TENM3: variants seen among roughly 807,000 people sequenced by gnomAD.
The protein encoded by TENM3 is teneurin-3.
TENM3 carries 63 observed loss-of-function variants against 255.1 expected under a neutral mutation model. That is an observed-to-expected ratio of 0.25 (90% CI 0.20 to 0.30). The LOEUF (loss-of-function observed/expected upper bound fraction) is 0.30, where lower values mean the gene tolerates loss of function less well. Ranked by LOEUF, TENM3 falls within the 10% of genes least tolerant of loss-of-function variation. TENM3 has a pLI of 1.00. For missense variants in TENM3, 2,929 were observed against 3,461.1 expected, an observed-to-expected ratio of 0.85 and a Z score of 3.86; for synonymous variants, 1,306 against 1,322.3, an observed-to-expected ratio of 0.99 and a Z score of 0.27.
At chr4:182,267,060 T>C (rs964359386) in intron 1 of TENM3, among the ~76,000 whole-genome samples, 1 of 152,154 alleles carries the variant, frequency 6.6e-6, no homozygotes, top group African/African-American at 2.4e-5. Flanking sequence ...TTCAAAACTC[T>C]CATAGAAAAC....
intron 5 of TENM3, among the ~76,000 whole-genome samples, chr4:182,638,403 C>T (rs919016365): frequency 2.4e-4 from 37 of 152,152 alleles, no homozygotes; most frequent in African/African-American, 8.9e-4. Context: ...CGTCATGTTG[C>T]CCTGTGTTTG....
chr4:182,652,315 A>G (rs1753379871), intron 5 of TENM3, among the ~76,000 whole-genome samples: 1 of 152,162 alleles, frequency 6.6e-6, no homozygotes, highest in South Asian at 2.1e-4. Context: ...AGGGAGAAGC[A>G]TTGCAGACAG....
chr4:182,739,516 T>A lies in TENM3; in HGVS notation c.3379+972T>A, dbSNP rs542213411. Among the ~76,000 whole-genome samples, 5 of 152,316 alleles carry A rather than the reference T, an allele frequency of 3.3e-5. No homozygotes were observed. In the East Asian group the frequency reaches 7.7e-4, roughly 24 times the overall value. ...GAAAAAAGTCACAGTCTCAGCAAAA[T>A]AATCTAACTCTTGACTTTGCAGAGG... On this transcript the variant is annotated intron_variant, in intron 18 of 27. Coordinates refer to ENST00000511685, the MANE Select transcript of TENM3 (RefSeq NM_001080477.4).
the TENM3 span, among the ~76,000 whole-genome samples, chr4:181,538,249 T>G: frequency 6.6e-6 from 1 of 152,148 alleles, no homozygotes; most frequent in Non-Finnish European, 1.5e-5. Flanking sequence ...GCTCTCACAA[T>G]ACGATCGGTA....
chr4:181,927,715 T>C, the TENM3 span, among the ~76,000 whole-genome samples: 1 of 152,198 alleles, frequency 6.6e-6, no homozygotes, highest in Non-Finnish European at 1.5e-5. Context: ...CTGACCCCCA[T>C]GCCTCATAAC....
the TENM3 span, among the ~76,000 whole-genome samples, chr4:181,917,448 T>C: frequency 6.6e-6 from 1 of 152,132 alleles, no homozygotes; most frequent in Non-Finnish European, 1.5e-5. Context: ...CAGTGAAATG[T>C]AATTGCTCTT....
At chr4:182,003,994 A>G in the TENM3 span, among the ~76,000 whole-genome samples, 4 of 152,084 alleles carry the variant, frequency 2.6e-5, no homozygotes, top group African/African-American at 9.7e-5. Context: ...GCCAATGGGG[A>G]AAAACATTCA....
chr4:182,046,678 C>A, the TENM3 span, among the ~76,000 whole-genome samples: 2 of 151,980 alleles, frequency 1.3e-5, no homozygotes, highest in Admixed American at 6.6e-5. Flanking sequence ...TGCAGTGAGC[C>A]ATGATCCTGC....
the TENM3 span, among the ~76,000 whole-genome samples, chr4:181,923,945 A>T: frequency 6.6e-6 from 1 of 152,208 alleles, no homozygotes; most frequent in Admixed American, 6.5e-5. Context: ...TACATTCATT[A>T]TATGAGTATA....
At chr4:182,016,518 C>G in the TENM3 span, among the ~76,000 whole-genome samples, 1 of 152,082 alleles carries the variant, frequency 6.6e-6, no homozygotes, top group Non-Finnish European at 1.5e-5. Context: ...TGCATTTTCC[C>G]CTTGGCTTCA....
chr4:181,815,648 G>A, the TENM3 span, among the ~76,000 whole-genome samples: 3 of 152,090 alleles, frequency 2.0e-5, no homozygotes. Context: ...CCAGTAGGAA[G>A]AGACCCTCCA....
At chr4:182,386,892 AC>A (rs908218522) in intron 3 of TENM3, among the ~76,000 whole-genome samples, 5 of 152,078 alleles carry the variant, frequency 3.3e-5, no homozygotes, top group Non-Finnish European at 7.4e-5. Flanking sequence ...CCCCTGTTCC[AC>A]GGCGCCCAGT....
the TENM3 span, among the ~76,000 whole-genome samples, chr4:182,136,746 C>T: frequency 6.6e-6 from 1 of 152,074 alleles, no homozygotes; most frequent in African/African-American, 2.4e-5. Context: ...ATTATAACAG[C>T]TTATACAATC....
At chr4:181,801,949 T>G in the TENM3 span, among the ~76,000 whole-genome samples, 1 of 152,058 alleles carries the variant, frequency 6.6e-6, no homozygotes, top group Non-Finnish European at 1.5e-5. Flanking sequence ...GACAGAAAAA[T>G]GCCCAAGCAG....
the TENM3 span, among the ~76,000 whole-genome samples, chr4:181,738,596 T>C: frequency 6.6e-6 from 1 of 152,134 alleles, no homozygotes; most frequent in African/African-American, 2.4e-5. Flanking sequence ...AGTGTTTTGA[T>C]TGTTCGTAGC....
chr4:182,639,851 G>A (rs1485134183), intron 5 of TENM3, among the ~76,000 whole-genome samples: 1 of 152,094 alleles, frequency 6.6e-6, no homozygotes, highest in Non-Finnish European at 1.5e-5. Flanking sequence ...CAGCATTTTG[G>A]GAGCCTGAGG....
the TENM3 span, among the ~76,000 whole-genome samples, chr4:181,639,586 A>G: frequency 9.9e-5 from 15 of 152,242 alleles, no homozygotes; most frequent in Admixed American, 3.9e-4. Context: ...CTAAAAATAC[A>G]AAAATTGGCC....
intron 3 of TENM3, among the ~76,000 whole-genome samples, chr4:182,461,409 T>C (rs1457403427): frequency 6.6e-6 from 1 of 152,170 alleles, no homozygotes; most frequent in Non-Finnish European, 1.5e-5. Flanking sequence ...GAGCATGAAG[T>C]TCACGAAAGA....
chr4:182,230,281 C>T (rs995001570), intron 1 of TENM3, among the ~76,000 whole-genome samples: 8 of 152,076 alleles, frequency 5.3e-5, no homozygotes, highest in Admixed American at 2.0e-4. Flanking sequence ...CCACCAGGCT[C>T]CTCACACCTA....
Sources: gnomAD v4.1 joint callset for allele counts (sites outside exome capture counted in the v4.1 genomes callset) on GRCh38, gnomAD v4.1.1 for gene constraint, MANE v1.5 for transcripts, NCBI Gene and HGNC (gene_info 2026-07-23, HGNC 2026-07-21) for gene names.